Variants in ALDH1A3 observed in about 807,000 individuals in gnomAD.
ALDH1A3 encodes retinaldehyde dehydrogenase 3.
ALDH1A3 carries 28 observed loss-of-function variants against 57.5 expected under a neutral mutation model. The ratio of observed to expected loss-of-function variants is 0.49; its 90% CI spans 0.36 to 0.67. The LOEUF (loss-of-function observed/expected upper bound fraction) is 0.67. Among genes scored for constraint, ALDH1A3 ranks in the 30% least tolerant of loss-of-function variants. The pLI is 0.00. For synonymous variants in ALDH1A3, 281 were observed against 264.8 expected (o/e 1.06, Z -0.59); for missense variants, 507 against 669.4 (o/e 0.76, Z 2.68).
chr15:100,892,746 C>T, intron 4 of ALDH1A3, 107 bp downstream of exon 4: 1 of 1,459,442 alleles, frequency 6.9e-7, no homozygotes. Flanking sequence ...TTCCCAACCC[C>T]ACTCCCTCTC....
At chr15:100,911,417 A>G (rs77292764) in intron 12 of ALDH1A3, among the ~76,000 whole-genome samples, 1,713 of 152,312 alleles carry the variant, frequency 0.011, 35 homozygotes, top group East Asian at 0.028. Context: ...CAAAAAATCT[A>G]CGCAATAGAG....
chr15:100,887,448 A>G lies in ALDH1A3; in HGVS notation c.205-124A>G. ...ACCCAAACTGCAGTCACGTCAAAAGATGACACCCAAACTGCAGTCACCTCA... is the reference window on the plus strand; with the variant it reads ...ACCCAAACTGCAGTCACGTCAAAAGGTGACACCCAAACTGCAGTCACCTCA... On this transcript the variant is annotated intron_variant, in intron 2 of 12. Coordinates refer to ENST00000329841, the MANE Select transcript of ALDH1A3 (RefSeq NM_000693.4). This position sits in a 1 kb window ranked among gnomAD's most constrained non-coding sequence, Gnocchi z 4.6. 1 of 1,166,796 alleles carries G rather than the reference A, an allele frequency of 8.6e-7. No homozygotes were observed. Among genetic ancestry groups the G allele is most frequent in the Non-Finnish European group, 1.2e-6 (1 of 854,010 alleles). 72.3% of individuals were successfully genotyped at this position (1,166,796 alleles called of 1,614,324 possible).
At chr15:100,898,462 G>A (rs549667812) in intron 8 of ALDH1A3, among the ~76,000 whole-genome samples, 1 of 152,222 alleles carries the variant, frequency 6.6e-6, no homozygotes, top group Non-Finnish European at 1.5e-5. Flanking sequence ...GCGCCTTAGC[G>A]TTAAGTTTAC....
chr15:100,881,489 A>C (rs986615008), intron 1 of ALDH1A3: 3 of 152,218 alleles, frequency 2.0e-5, no homozygotes, highest in African/African-American at 7.2e-5. Flanking sequence ...CCAGACAGTA[A>C]ATGTATTATG....
chr15:100,888,329 G>C (rs547650567), intron 3 of ALDH1A3: 1 of 152,208 alleles, frequency 6.6e-6, no homozygotes, highest in East Asian at 1.9e-4. Flanking sequence ...TCCTGGTCTC[G>C]AACTCCTGGC....
In ALDH1A3 at chr15:100,899,510, G is replaced by A. The variant is rs571763116; in HGVS notation, c.884-1065G>A. ...ACCTCCTTCTCCTCATCAGGGCGGT[G>A]CCAGTCCACAAATTACATCCTGACA... On this transcript the variant is annotated intron_variant, in intron 8 of 12. Coordinates refer to ENST00000329841, the MANE Select transcript of ALDH1A3 (RefSeq NM_000693.4). Among the ~76,000 whole-genome samples the A allele has an allele frequency of 1.3e-3, 191 of 152,288 alleles. 3 individuals carry two copies. Among genetic ancestry groups the A allele is most frequent in the African/African-American group, 4.4e-3 (184 of 41,550 alleles).
In ALDH1A3 at chr15:100,886,378, C is replaced by T. The variant is rs141085721; in HGVS notation, c.204+1007C>T. On this transcript the variant is annotated intron_variant, in intron 2 of 12. Transcript: ENST00000329841. ...CCCCGTACAGGTGCTAGGAGGAGAA[C>T]GAGACCCTTGCCCTGGGCCTTGATT... 5.1e-3 allele frequency among the ~76,000 whole-genome samples: 781 copies of T among 152,316 alleles called. 8 individuals carry two copies. The highest frequency in any genetic ancestry group is 0.017 in the African/African-American group (723 of 41,564).
chr15:100,886,012 A>G (rs2041591247), intron 2 of ALDH1A3, among the ~76,000 whole-genome samples: 1 of 152,216 alleles, frequency 6.6e-6, no homozygotes, highest in Non-Finnish European at 1.5e-5. Flanking sequence ...GTCAGTGCAG[A>G]GGTAAAGCCC....
chr15:100,886,661 G>A (rs147927970), intron 2 of ALDH1A3, among the ~76,000 whole-genome samples: 6 of 152,298 alleles, frequency 3.9e-5, no homozygotes, highest in African/African-American at 1.4e-4. Flanking sequence ...CGAGATGAAT[G>A]TGGCCCATTT....
intron 11 of ALDH1A3, among the ~76,000 whole-genome samples, chr15:100,908,074 C>T (rs1475677476): frequency 2.0e-5 from 3 of 152,002 alleles, no homozygotes; most frequent in African/African-American, 7.2e-5. Context: ...GTCTTGAACT[C>T]CTGACCTCAG....
chr15:100,912,384 G>A (rs548072812), intron 12 of ALDH1A3, among the ~76,000 whole-genome samples: 1 of 151,982 alleles, frequency 6.6e-6, no homozygotes, highest in Non-Finnish European at 1.5e-5. Flanking sequence ...TTTCCATTTG[G>A]GTATTTGTGT....
rs999106796 is a variant in ALDH1A3, at chr15:100,894,268, A to G, written c.666+186A>G. The G allele has an allele frequency of 1.5e-6, 1 of 652,500 alleles. No individual in the cohort carries two copies. The highest frequency in any genetic ancestry group is 1.9e-5 in the African/African-American group (1 of 54,018). The allele number at this position is 652,500 out of a possible 1,614,324, so 40.4% of individuals were successfully genotyped here. ...TGCTTGTGGCCACTGAGCTGGAGAA[A>G]CTCCATTCCTCCCAGTGGTCCTAAT... On this transcript the variant is annotated intron_variant, in intron 6 of 12. Coordinates refer to ENST00000329841, the MANE Select transcript of ALDH1A3 (RefSeq NM_000693.4). The surrounding 1 kb of genome is among the most constrained non-coding windows in gnomAD (Gnocchi z 4.5).
intron 2 of ALDH1A3, among the ~76,000 whole-genome samples, chr15:100,886,106 T>C (rs2041592220): frequency 6.6e-6 from 1 of 152,304 alleles, no homozygotes; most frequent in East Asian, 1.9e-4. Flanking sequence ...ACTGATGACG[T>C]TGGAAGTGGA....
intron 7 of ALDH1A3, 126 bp from the exon 8 acceptor site, chr15:100,897,957 C>T (rs974842028): frequency 1.3e-5 from 10 of 756,662 alleles, no homozygotes; most frequent in Middle Eastern, 2.4e-4. Flanking sequence ...GGGCCTGGAG[C>T]GCCTGGGCCG....
chr15:100,894,167 G>C lies in ALDH1A3; in HGVS notation c.666+85G>C. 1 of 1,508,534 alleles carries C rather than the reference G, an allele frequency of 6.6e-7. No homozygotes were observed. The highest frequency in any genetic ancestry group is 2.3e-5 in the East Asian group (1 of 44,042). 93.4% of individuals were successfully genotyped at this position (1,508,534 alleles called of 1,614,324 possible). A position where few individuals can be genotyped will look rare whatever the true frequency, so the allele number is the denominator to read the frequency against. On this transcript the variant is annotated intron_variant, in intron 6 of 12. Coordinates refer to ENST00000329841, the MANE Select transcript of ALDH1A3 (RefSeq NM_000693.4). This position sits in a 1 kb window ranked among gnomAD's most constrained non-coding sequence, Gnocchi z 4.5. ...CAGGCCACCGTCACGAGATGGGACA[G>C]TGGCAGACTGCTGGCAATCGAGTGG...
Position 100,896,037 on chromosome 15 carries a change from C to T in ALDH1A3, c.771C>T (p.Gly257=). ...AGATCAACAAGATCGCCTTCACCGG[C>T]TCCACAGAGGTAACCCTCCTCACAG... ...HPQINKIAFT[G]STEVGKLVKE... Residue 257 remains glycine (G), a synonymous_variant, in exon 7 of 13, where the codon GGC becomes GGT. Coordinates refer to ENST00000329841, the MANE Select transcript of ALDH1A3 (RefSeq NM_000693.4). The T allele has an allele frequency of 6.2e-7, 1 of 1,609,172 alleles. No individual in the cohort carries two copies. The highest frequency in any genetic ancestry group is 2.2e-5 in the East Asian group (1 of 44,674).
chr15:100,902,996 A>G (rs954653807), intron 9 of ALDH1A3, among the ~76,000 whole-genome samples: 3 of 152,216 alleles, frequency 2.0e-5, no homozygotes, highest in Non-Finnish European at 4.4e-5. Flanking sequence ...TTAACCTGAG[A>G]CTTGGTTCAC....
chr15:100,907,350 TGA>T (rs1425718462), intron 11 of ALDH1A3, 72 bp downstream of exon 11: 11 of 1,512,222 alleles, frequency 7.3e-6, no homozygotes, highest in African/African-American at 1.4e-5. Context: ...TTCTATTAAC[TGA>T]GAGTTTCTCA....
rs1029446977 is a variant in ALDH1A3, at chr15:100,906,263, T to A, written c.1233+576T>A. Among the ~76,000 whole-genome samples, 2 of 152,206 alleles carry A rather than the reference T, an allele frequency of 1.3e-5. No individual in the cohort carries two copies. The highest frequency in any genetic ancestry group is 4.8e-5 in the African/African-American group (2 of 41,442). On this transcript the variant is annotated intron_variant, in intron 10 of 12. Coordinates refer to ENST00000329841, the MANE Select transcript of ALDH1A3 (RefSeq NM_000693.4). The surrounding 1 kb of genome is among the most constrained non-coding windows in gnomAD (Gnocchi z 4.8). ...AATCTTTCTCTTTCAACTCCACTGT[T>A]ACACTAGACGGGAACTGGTTCCCAC...
Sources: allele counts gnomAD v4.1 joint callset (sites outside exome capture counted in the v4.1 genomes callset), GRCh38; gene constraint gnomAD v4.1.1; non-coding constraint Gnocchi (gnomAD v3.1); transcripts MANE v1.5; gene names NCBI Gene and HGNC (gene_info 2026-07-23, HGNC 2026-07-21).